KIF5B: variants seen among roughly 807,000 people sequenced by gnomAD.
The protein encoded by KIF5B is kinesin-1 heavy chain.
Under a neutral mutation model 132.8 loss-of-function variants are expected in KIF5B, and 49 were observed. The ratio of observed to expected loss-of-function variants is 0.37; its 90% CI spans 0.29 to 0.47. The LOEUF (loss-of-function observed/expected upper bound fraction) is 0.47. Ranked by LOEUF, KIF5B falls within the 20% of genes least tolerant of loss-of-function variation. KIF5B has a pLI of 1.00. For missense variants in KIF5B, 780 were observed against 1,144.0 expected (o/e 0.68, Z 4.59); for synonymous variants, 355 against 369.4 (o/e 0.96, Z 0.45).
intron 19 of KIF5B, among the ~76,000 whole-genome samples, chr10:32,020,437 T>C (rs1475617092): frequency 1.3e-5 from 2 of 151,864 alleles, no homozygotes; most frequent in African/African-American, 4.8e-5. Context: ...TTTTCCCAGT[T>C]AAGAATTTTG....
At position 32,031,239 on chromosome 10, in the gene KIF5B, G is replaced by A. The variant is rs746242956; in HGVS notation, c.1415C>T (p.Ala472Val). 2 of 1,613,964 alleles carry A rather than the reference G, an allele frequency of 1.2e-6. No homozygotes were observed. Among genetic ancestry groups the A allele is most frequent in the South Asian group, 1.1e-5 (1 of 91,082 alleles). The change falls in exon 14 of 26, where the codon GCT (alanine) becomes GTT (valine). Residue 472 changes from alanine (A) to valine (V), a missense_variant. Physicochemically the swap from Ala to Val is moderately conservative, Grantham distance 64. Coordinates refer to ENST00000302418, the MANE Select transcript of KIF5B (RefSeq NM_004521.3). ...STRRDQDNMQ[A>V]ELNRLQAEND... Reference sequence around the variant, plus strand: ...TTCTGCTTGAAGGCGATTCAGCTCAGCTTGCATATTGTCTTGATCCCTTCT... The same window carrying A: ...TTCTGCTTGAAGGCGATTCAGCTCAACTTGCATATTGTCTTGATCCCTTCT...
intron 9 of KIF5B, 105 bp downstream of exon 9, chr10:32,035,785 T>A: frequency 7.7e-7 from 1 of 1,305,268 alleles, no homozygotes; most frequent in South Asian, 1.4e-5. Context: ...AATCTCAATC[T>A]CTCTTTCTCT....
At position 32,037,341 on chromosome 10, in the gene KIF5B, A is replaced by G. The variant is rs774874076; in HGVS notation, c.624T>C (p.Phe208=). The G allele has an allele frequency of 6.2e-7, 1 of 1,613,298 alleles. No individual in the cohort carries two copies. Among genetic ancestry groups the G allele is most frequent in the Non-Finnish European group, 8.5e-7 (1 of 1,179,336 alleles). The change falls in exon 8 of 26, where the codon TTT becomes TTC. Residue 208 remains phenylalanine (F), a synonymous_variant. Coordinates refer to ENST00000302418, the MANE Select transcript of KIF5B (RefSeq NM_004521.3). ...TGTTCTCTTGTTTGACATTAATAAG[A>G]AATATACTGTGACTCCTAGAGCTAT... is the stretch of plus-strand genomic sequence containing the variant. ...NEHSSRSHSI[F]LINVKQENTQ... is the part of the protein sequence containing the mutation.
intron 14 of KIF5B, among the ~76,000 whole-genome samples, chr10:32,029,393 C>G (rs919527202): frequency 2.0e-5 from 3 of 152,164 alleles, no homozygotes; most frequent in Non-Finnish European, 2.9e-5. Context: ...TTTGTAATGC[C>G]TGTACTATAC....
At chr10:32,028,641 T>G (rs2132594757) in intron 14 of KIF5B, 70 bp from the exon 15 acceptor site, 3 of 1,349,886 alleles carry the variant, frequency 2.2e-6, no homozygotes, top group Non-Finnish European at 2.1e-6. Context: ...TACTCATCGG[T>G]GTTTCAAGTT....
intron 21 of KIF5B, 32 bp from the exon 22 acceptor site, chr10:32,018,419 T>C: frequency 1.9e-6 from 3 of 1,576,936 alleles, no homozygotes; most frequent in Non-Finnish European, 2.6e-6. Context: ...TTTTTGGAGC[T>C]CAGACTTTAA....
At chr10:32,048,681 T>G (rs1471227890) in intron 1 of KIF5B, 130 bp from the exon 2 acceptor site, 1 of 583,940 alleles carries the variant, frequency 1.7e-6, no homozygotes, top group Non-Finnish European at 3.0e-6. Flanking sequence ...TTTGGTATCA[T>G]TGAATCTTTG....
rs1298540596 is a variant in KIF5B, at chr10:32,032,699, A to G, written c.1374+7T>C. On this transcript the variant is annotated splice_region_variant and intron_variant, in intron 13 of 25. Transcript: ENST00000302418. ...TCTGGAAGCAATGTAAAAGGTATTCAACTCACCTCCTCCTGATCCAACATT... is the reference window on the plus strand; with the variant it reads ...TCTGGAAGCAATGTAAAAGGTATTCGACTCACCTCCTCCTGATCCAACATT... 1.9e-6 allele frequency: 3 copies of G among 1,609,782 alleles called. No homozygotes were observed. The highest frequency in any genetic ancestry group is 2.6e-6 in the Non-Finnish European group (3 of 1,176,112).
intron 14 of KIF5B, 42 bp downstream of exon 14, chr10:32,031,031 T>C: frequency 7.2e-7 from 1 of 1,391,054 alleles, no homozygotes; most frequent in Non-Finnish European, 1.0e-6. Flanking sequence ...TTAAGAATAC[T>C]TGTACTAAAG....
chr10:32,040,308 T>G, intron 3 of KIF5B, 76 bp downstream of exon 3: 1 of 865,936 alleles, frequency 1.2e-6, no homozygotes, highest in Non-Finnish European at 2.0e-6. Flanking sequence ...TGTTTATGCA[T>G]GGTGAAATAA....
chr10:32,039,549 C>T (rs1218842715), intron 3 of KIF5B, 118 bp from the exon 4 acceptor site: 12 of 597,850 alleles, frequency 2.0e-5, no homozygotes, highest in Middle Eastern at 4.4e-4. Context: ...TTTGTGGAAA[C>T]GGCTCTGTAA....
At chr10:32,035,066 A>C (rs2132602105) in intron 10 of KIF5B, among the ~76,000 whole-genome samples, 1 of 152,222 alleles carries the variant, frequency 6.6e-6, no homozygotes, top group East Asian at 1.9e-4. Context: ...AAACCACTAA[A>C]AATAAAAGAC....
At chr10:32,026,437 C>CAAAA (rs71027049) in intron 15 of KIF5B, among the ~76,000 whole-genome samples, 13,610 of 48,700 alleles carry the variant, frequency 0.28, 3,940 homozygotes, top group Middle Eastern at 0.35. Context: ...GATTCCGTCT[C>CAAAA]AAAAAAAAAA....
At position 32,037,612 on chromosome 10, in the gene KIF5B, G is replaced by GA. The variant is rs1841477638; in HGVS notation, c.499-6dup. ...TACAAAACGCTCTGTGCACCCCTGT[G>GA]AAATAATTTTTAAAAATATGTTAAT... On this transcript the variant is annotated splice_polypyrimidine_tract_variant and splice_region_variant and intron_variant, in intron 6 of 25. Coordinates refer to ENST00000302418, the MANE Select transcript of KIF5B (RefSeq NM_004521.3). 6.3e-7 allele frequency: 1 copy of GA among 1,595,694 alleles called. No homozygotes were observed. The highest frequency in any genetic ancestry group is 2.2e-5 in the East Asian group (1 of 44,778).
intron 15 of KIF5B, among the ~76,000 whole-genome samples, chr10:32,024,066 A>T (rs867164200): frequency 9.9e-6 from 1 of 100,854 alleles, no homozygotes; most frequent in Non-Finnish European, 2.4e-5. Flanking sequence ...AAAAAAAACA[A>T]AAAAAAAAAA....
chr10:32,025,167 A>C (rs553712346), intron 15 of KIF5B, among the ~76,000 whole-genome samples: 1 of 152,332 alleles, frequency 6.6e-6, no homozygotes, highest in South Asian at 2.1e-4. Flanking sequence ...AAATCCCAAG[A>C]AACTGACAAG....
chr10:32,049,662 T>C (rs569690222), intron 1 of KIF5B, among the ~76,000 whole-genome samples: 9 of 152,040 alleles, frequency 5.9e-5, no homozygotes, highest in Admixed American at 2.6e-4. Flanking sequence ...CCAGAAATGA[T>C]ACTGGGGACT....
intron 6 of KIF5B, among the ~76,000 whole-genome samples, chr10:32,037,927 T>C (rs952128509): frequency 1.3e-5 from 2 of 151,984 alleles, no homozygotes; most frequent in Non-Finnish European, 2.9e-5. Context: ...CTGGCCAACA[T>C]GGTGAAACTT....
In KIF5B at chr10:32,024,146, C is replaced by CTTTTTTTTT. The variant is rs769483155; in HGVS notation, c.1726-1119_1726-1111dup. ...TTATATCCAAAACATATGAAGAACT[C>CTTTTTTTTT]TTTTTTTTTTTTTTTTTTTTTTTTT... On this transcript the variant is annotated intron_variant, in intron 15 of 25. Transcript: ENST00000302418. Among the ~76,000 whole-genome samples the CTTTTTTTTT allele has an allele frequency of 5.7e-5, 4 of 69,750 alleles. 1 individual carries two copies. The highest frequency in any genetic ancestry group is 2.5e-4 in the African/African-American group (4 of 16,256). The allele number at this position is 69,750 out of a possible 152,430, so 45.8% of individuals were successfully genotyped here.
Sources: allele counts gnomAD v4.1 joint callset (sites outside exome capture counted in the v4.1 genomes callset), GRCh38; gene constraint gnomAD v4.1.1; transcripts MANE v1.5; gene names NCBI Gene and HGNC (gene_info 2026-07-23, HGNC 2026-07-21).